Variants in SUGCT observed in about 807,000 individuals in gnomAD.
The protein encoded by SUGCT is succinyl-CoA:glutarate-CoA transferase, also known as succinyl-CoA:glutarate CoA-transferase.
Under a neutral mutation model 55.0 loss-of-function variants are expected in SUGCT, and 41 were observed. That is an observed-to-expected ratio of 0.74 (90% CI 0.58 to 0.97). SUGCT has a LOEUF of 0.97. Among genes scored for constraint, SUGCT ranks in the 50% least tolerant of loss-of-function variants. SUGCT has a pLI of 0.00. For missense variants in SUGCT, 568 were observed against 547.8 expected (o/e 1.04, Z -0.37); for synonymous variants, 187 against 200.4 (o/e 0.93, Z 0.56).
At position 40,307,833 on chromosome 7, in the gene SUGCT, T is replaced by G. The variant is rs1348364260; in HGVS notation, c.721-8927T>G. On this transcript the variant is annotated intron_variant, in intron 8 of 13. Transcript: ENST00000335693. ...TGAAAAAACTGTTCACCTTATGGTG[T>G]GAGGGAGAAAGTGAAGCAAGTTAAA... Among the ~76,000 whole-genome samples, 3 of 152,138 alleles carry G rather than the reference T, an allele frequency of 2.0e-5. No homozygotes were observed. In the East Asian group the frequency reaches 5.8e-4, roughly 29 times the overall value.
chr7:40,241,437 G>A (rs1789382416), intron 7 of SUGCT, among the ~76,000 whole-genome samples: 2 of 151,510 alleles, frequency 1.3e-5, no homozygotes, highest in Admixed American at 1.3e-4. Flanking sequence ...AAATTAGCTG[G>A]GCATCGTGGC....
At chr7:40,759,027 G>T (rs79207887) in intron 13 of SUGCT, among the ~76,000 whole-genome samples, 5,993 of 152,164 alleles carry the variant, frequency 0.039, 113 homozygotes, top group Middle Eastern at 0.054. Context: ...GACATTTTGG[G>T]CATTTGAGGC....
chr7:40,390,832 C>G (rs1369094339), intron 9 of SUGCT, among the ~76,000 whole-genome samples: 1 of 152,190 alleles, frequency 6.6e-6, no homozygotes, highest in African/African-American at 2.4e-5. Context: ...CCAAGATAAT[C>G]CTAAGCCAAA....
At chr7:40,440,010 C>A (rs774599776) in intron 9 of SUGCT, among the ~76,000 whole-genome samples, 16 of 152,046 alleles carry the variant, frequency 1.1e-4, no homozygotes, top group South Asian at 2.1e-4. Context: ...TGGGAGAGGC[C>A]TTCAGACTCC....
At chr7:40,898,908 G>A in the SUGCT span, among the ~76,000 whole-genome samples, 3 of 152,112 alleles carry the variant, frequency 2.0e-5, no homozygotes, top group African/African-American at 4.8e-5. Context: ...GGTACATGAA[G>A]AAGCTGTTCC....
intron 8 of SUGCT, among the ~76,000 whole-genome samples, chr7:40,296,853 G>A (rs1015061914): frequency 5.3e-5 from 8 of 152,042 alleles, no homozygotes; most frequent in South Asian, 2.1e-4. Context: ...GGCCTCTAGA[G>A]TAGTGGTTAG....
the SUGCT span, among the ~76,000 whole-genome samples, chr7:40,952,283 G>T: frequency 6.6e-6 from 1 of 151,796 alleles, no homozygotes; most frequent in East Asian, 1.9e-4. Context: ...AACCCCTGCC[G>T]TTTTTTATTT....
At chr7:40,354,602 A>G (rs1797801420) in intron 9 of SUGCT, among the ~76,000 whole-genome samples, 1 of 151,972 alleles carries the variant, frequency 6.6e-6, no homozygotes, top group African/African-American at 2.4e-5. Flanking sequence ...TGTCAAGAGC[A>G]CTGAATAAAG....
At chr7:40,614,680 T>C (rs1448277199) in intron 12 of SUGCT, among the ~76,000 whole-genome samples, 1 of 152,144 alleles carries the variant, frequency 6.6e-6, no homozygotes, top group Non-Finnish European at 1.5e-5. Context: ...TCTCCTGTAT[T>C]GAAAATAAAG....
the SUGCT span, among the ~76,000 whole-genome samples, chr7:40,904,919 A>T: frequency 6.6e-6 from 1 of 152,194 alleles, no homozygotes; most frequent in African/African-American, 2.4e-5. Flanking sequence ...GATGTCTAAA[A>T]CATTCTAGTT....
chr7:40,905,825 C>G, the SUGCT span, among the ~76,000 whole-genome samples: 1 of 151,254 alleles, frequency 6.6e-6, no homozygotes, highest in African/African-American at 2.4e-5. Context: ...CTCAAATGAT[C>G]TTCCTGTCTC....
intron 12 of SUGCT, among the ~76,000 whole-genome samples, chr7:40,532,086 A>G (rs1395253118): frequency 1.3e-5 from 2 of 152,228 alleles, no homozygotes; most frequent in African/African-American, 2.4e-5. Context: ...TAAGGGAACT[A>G]GCCTAAGGGG....
At chr7:40,636,441 A>G (rs1175156478) in intron 12 of SUGCT, among the ~76,000 whole-genome samples, 1 of 152,168 alleles carries the variant, frequency 6.6e-6, no homozygotes, top group Non-Finnish European at 1.5e-5. Context: ...TGCTGCTTCT[A>G]CCTCATTCTA....
intron 12 of SUGCT, among the ~76,000 whole-genome samples, chr7:40,571,515 G>A (rs955001080): frequency 1.3e-5 from 2 of 152,036 alleles, no homozygotes; most frequent in African/African-American, 2.4e-5. Context: ...TATACAGGAG[G>A]GTTACAATTG....
chr7:40,483,496 T>A (rs1043709909), intron 11 of SUGCT, among the ~76,000 whole-genome samples: 1 of 152,182 alleles, frequency 6.6e-6, no homozygotes, highest in Non-Finnish European at 1.5e-5. Flanking sequence ...ATAGGCACTA[T>A]TTTTTAAACC....
Position 40,570,850 on chromosome 7 carries a change from C to CTTTTTTTTTTTTTTTTTTTTTT in SUGCT, c.1089+74470_1089+74491dup, listed in dbSNP as rs776733346. Among the ~76,000 whole-genome samples the CTTTTTTTTTTTTTTTTTTTTTT allele has an allele frequency of 1.5e-4, 8 of 52,304 alleles. 2 individuals are homozygous for CTTTTTTTTTTTTTTTTTTTTTT. The highest frequency in any genetic ancestry group is 6.9e-4 in the African/African-American group (8 of 11,528). 34.3% of individuals were successfully genotyped at this position (52,304 alleles called of 152,430 possible). On this transcript the variant is annotated intron_variant, in intron 12 of 13. Coordinates refer to ENST00000335693, the MANE Select transcript of SUGCT (RefSeq NM_001193313.2). ...CCCCTCTGGGCAAAAGCTTTAGGCT[C>CTTTTTTTTTTTTTTTTTTTTTT]TTTTTTTTTTTTTTTTTTTTTTTTT... is the stretch of plus-strand genomic sequence containing the variant.
intron 13 of SUGCT, among the ~76,000 whole-genome samples, chr7:40,794,152 A>G (rs1158387852): frequency 6.6e-6 from 1 of 152,026 alleles, no homozygotes; most frequent in African/African-American, 2.4e-5. Flanking sequence ...ATGGTAATTT[A>G]TTTCCAGGTA....
chr7:40,746,690 T>C (rs1273590856), intron 12 of SUGCT, among the ~76,000 whole-genome samples: 1 of 152,238 alleles, frequency 6.6e-6, no homozygotes, highest in African/African-American at 2.4e-5. Flanking sequence ...AAAATTTCAA[T>C]CAACTGCTAG....
intron 12 of SUGCT, among the ~76,000 whole-genome samples, chr7:40,592,473 G>A (rs923529430): frequency 3.3e-5 from 5 of 152,152 alleles, no homozygotes; most frequent in African/African-American, 1.2e-4. Context: ...GAGCATGCAG[G>A]GAAGGGCTAG....
Sources: gnomAD v4.1 joint callset for allele counts (sites outside exome capture counted in the v4.1 genomes callset) on GRCh38, gnomAD v4.1.1 for gene constraint, MANE v1.5 for transcripts, NCBI Gene and HGNC (gene_info 2026-07-23, HGNC 2026-07-21) for gene names.